Variants in ZNF362 observed in about 807,000 individuals in gnomAD.
ZNF362 encodes the protein zinc finger protein 362, also known as rotund homolog.
ZNF362 carries 11 observed loss-of-function variants against 42.9 expected under a neutral mutation model. The observed-to-expected ratio is 0.26, with a 90% CI of 0.16 to 0.42. The LOEUF (loss-of-function observed/expected upper bound fraction) is 0.42. Among genes scored for constraint, ZNF362 ranks in the 20% least tolerant of loss-of-function variants. The probability of loss-of-function intolerance (pLI) is 1.00; values close to 1 mark genes in which losing one functional copy is unlikely to be tolerated. For missense variants in ZNF362, 362 were observed against 576.2 expected, an observed-to-expected ratio of 0.63 and a Z score of 3.81; for synonymous variants, 255 against 257.3, an observed-to-expected ratio of 0.99 and a Z score of 0.09.
the ZNF362 span, among the ~76,000 whole-genome samples, chr1:33,218,351 G>T: frequency 5.9e-5 from 9 of 152,284 alleles, no homozygotes; most frequent in African/African-American, 2.2e-4. Context: ...TGAGGCAGGA[G>T]GATGACTTGA....
At chr1:33,272,855 C>T (rs1645914389) in intron 2 of ZNF362, among the ~76,000 whole-genome samples, 1 of 152,264 alleles carries the variant, frequency 6.6e-6, no homozygotes, top group South Asian at 2.1e-4. Context: ...GGGTGCTGTT[C>T]ACTGTCCCAA....
At chr1:33,186,056 AT>A in the ZNF362 span, among the ~76,000 whole-genome samples, 289 of 152,280 alleles carry the variant, frequency 1.9e-3, 2 homozygotes, top group African/African-American at 6.6e-3. Context: ...TATTTGCAAA[AT>A]CACCTACTTC....
At chr1:33,212,249 T>C in the ZNF362 span, among the ~76,000 whole-genome samples, 1 of 152,190 alleles carries the variant, frequency 6.6e-6, no homozygotes, top group Admixed American at 6.5e-5. Context: ...AAGCTTCCTA[T>C]ACAGCTTGCA....
chr1:33,208,497 T>G, the ZNF362 span, among the ~76,000 whole-genome samples: 1 of 151,858 alleles, frequency 6.6e-6, no homozygotes, highest in East Asian at 1.9e-4. Flanking sequence ...GGGGATAGCA[T>G]TGAAACTATA....
chr1:33,232,144 C>T, the ZNF362 span, among the ~76,000 whole-genome samples: 1 of 152,148 alleles, frequency 6.6e-6, no homozygotes, highest in African/African-American at 2.4e-5. Context: ...TTATATTCCC[C>T]TTGCCAGATA....
the ZNF362 span, chr1:33,181,078 G>C: frequency 1.3e-6 from 2 of 1,599,224 alleles, no homozygotes; most frequent in Admixed American, 3.3e-5. The surrounding 1 kb of genome is among the most constrained non-coding windows in gnomAD (Gnocchi z 6.5). Context: ...TGCTCGTGCA[G>C]TGCAGGCTCG....
chr1:33,244,349 A>C, the ZNF362 span, among the ~76,000 whole-genome samples: 1 of 152,190 alleles, frequency 6.6e-6, no homozygotes, highest in Non-Finnish European at 1.5e-5. This position sits in a 1 kb window ranked among gnomAD's most constrained non-coding sequence, Gnocchi z 4.0. Flanking sequence ...TTATCACGTC[A>C]TCTCTTCCCT....
chr1:33,147,190 G>A, the ZNF362 span: 1 of 1,613,702 alleles, frequency 6.2e-7, no homozygotes, highest in Non-Finnish European at 8.5e-7. This position sits in a 1 kb window ranked among gnomAD's most constrained non-coding sequence, Gnocchi z 8.1. Flanking sequence ...GATGCGGACG[G>A]TGTTGATCCG....
chr1:33,192,380 C>T, the ZNF362 span, among the ~76,000 whole-genome samples: 3 of 152,202 alleles, frequency 2.0e-5, no homozygotes, highest in Non-Finnish European at 4.4e-5. Context: ...CATTGGCCGA[C>T]AAATTTTACA....
At chr1:33,149,024 C>T in the ZNF362 span, among the ~76,000 whole-genome samples, 1 of 152,196 alleles carries the variant, frequency 6.6e-6, no homozygotes, top group African/African-American at 2.4e-5. Context: ...GTTCCCTCCA[C>T]CTCCTCCTCT....
chr1:33,165,224 C>T, the ZNF362 span: 11 of 392,954 alleles, frequency 2.8e-5, no homozygotes, highest in Non-Finnish European at 4.6e-5. This position sits in a 1 kb window ranked among gnomAD's most constrained non-coding sequence, Gnocchi z 4.0. Context: ...GAAATGGCCC[C>T]GTCCTTAACC....
chr1:33,177,828 T>C, the ZNF362 span, among the ~76,000 whole-genome samples: 10 of 152,176 alleles, frequency 6.6e-5, no homozygotes, highest in Non-Finnish European at 7.3e-5. This position sits in a 1 kb window ranked among gnomAD's most constrained non-coding sequence, Gnocchi z 4.1. Context: ...ATTTATTGAG[T>C]GCTGTTAGGT....
At chr1:33,146,985 C>T in the ZNF362 span, 32 of 625,208 alleles carry the variant, frequency 5.1e-5, 1 homozygote, top group East Asian at 3.3e-4. Context: ...AGCTACAGAA[C>T]ATCGATGCTG....
Position 33,299,291 on chromosome 1 carries a change from T to G in ZNF362, c.*245T>G. 1.8e-5 allele frequency: 7 copies of G among 382,186 alleles called. No individual in the cohort carries two copies. Among genetic ancestry groups the G allele is most frequent in the East Asian group, 7.8e-5 (2 of 25,678 alleles). The allele number at this position is 382,186 out of a possible 1,614,324, so 23.7% of individuals were successfully genotyped here. On this transcript the variant is annotated 3_prime_UTR_variant, in exon 9 of 9. Coordinates refer to ENST00000539719, the MANE Select transcript of ZNF362 (RefSeq NM_152493.3). ...GATCTCAGAGCACTTTGAACCTCTC[T>G]GTTGAGTTTTCTTTTTGTTCCCCAC...
chr1:33,165,525 C>T, the ZNF362 span: 1 of 1,611,218 alleles, frequency 6.2e-7, no homozygotes, highest in Admixed American at 1.7e-5. The surrounding 1 kb of genome is among the most constrained non-coding windows in gnomAD (Gnocchi z 4.0). Flanking sequence ...TGTGTTCCCG[C>T]TCGCTGTCTT....
the ZNF362 span, among the ~76,000 whole-genome samples, chr1:33,244,304 T>G: frequency 6.6e-6 from 1 of 152,164 alleles, no homozygotes; most frequent in East Asian, 1.9e-4. The surrounding 1 kb of genome is among the most constrained non-coding windows in gnomAD (Gnocchi z 4.0). Flanking sequence ...TTTTGACACT[T>G]TAAAGGCCAG....
the ZNF362 span, among the ~76,000 whole-genome samples, chr1:33,184,790 T>C: frequency 6.6e-6 from 1 of 152,124 alleles, no homozygotes; most frequent in East Asian, 1.9e-4. Flanking sequence ...TTTTATTATT[T>C]ATTTATTTGA....
the ZNF362 span, among the ~76,000 whole-genome samples, chr1:33,230,397 CATG>C: frequency 6.6e-6 from 1 of 152,150 alleles, no homozygotes; most frequent in Non-Finnish European, 1.5e-5. Flanking sequence ...GTAGTAATAA[CATG>C]ATAACCTAAA....
At chr1:33,215,184 C>A in the ZNF362 span, among the ~76,000 whole-genome samples, 1 of 152,248 alleles carries the variant, frequency 6.6e-6, no homozygotes, top group South Asian at 2.1e-4. Context: ...TAAATTCTGT[C>A]ATTTGCAACA....
Sources: allele counts gnomAD v4.1 joint callset (sites outside exome capture counted in the v4.1 genomes callset), GRCh38; gene constraint gnomAD v4.1.1; non-coding constraint Gnocchi (gnomAD v3.1); transcripts MANE v1.5; gene names NCBI Gene and HGNC (gene_info 2026-07-23, HGNC 2026-07-21).